Variants in FRYL observed in about 807,000 individuals in gnomAD.
The protein encoded by FRYL is protein furry homolog-like.
FRYL carries 150 observed loss-of-function variants against 351.2 expected under a neutral mutation model. The ratio of observed to expected loss-of-function variants is 0.43; its 90% CI spans 0.37 to 0.49. The LOEUF (loss-of-function observed/expected upper bound fraction) is 0.49. FRYL is among the 20% of genes least tolerant of loss of function. The probability of loss-of-function intolerance (pLI) is 0.00; values close to 1 mark genes in which losing one functional copy is unlikely to be tolerated. For missense variants in FRYL, 3,036 were observed against 3,619.3 expected, an observed-to-expected ratio of 0.84 and a Z score of 4.13; for synonymous variants, 1,153 against 1,257.1, an observed-to-expected ratio of 0.92 and a Z score of 1.75.
In FRYL at chr4:48,550,384, A is replaced by G. The variant is rs750152794; in HGVS notation, c.4633+208T>C. On this transcript the variant is annotated intron_variant, in intron 38 of 63. Coordinates refer to ENST00000358350, the MANE Select transcript of FRYL (RefSeq NM_015030.2). The stretch of plus-strand genomic sequence containing the variant: ...TTCTTATGTTCCTTGTGATTTATCT[A>G]TAGGAAACCAGTGCTTTAAAAAAAA... 254 of 539,606 alleles carry G rather than the reference A, an allele frequency of 4.7e-4. 2 individuals are homozygous for G. Among genetic ancestry groups the G allele is most frequent in the Middle Eastern group, 3.9e-3 (8 of 2,074 alleles). The allele number at this position is 539,606 out of a possible 1,614,324, so 33.4% of individuals were successfully genotyped here.
Position 48,498,086 on chromosome 4 carries a change from T to C in FRYL, c.*1336A>G, listed in dbSNP as rs1718797109. On this transcript the variant is annotated 3_prime_UTR_variant, in exon 64 of 64. Transcript: ENST00000358350. ...GGACTACATTCTTTTTTTTTTTTTT[T>C]CTTTCTTTTCTTACAAAATGCGATT... 1 of 151,100 alleles carries C rather than the reference T, an allele frequency of 6.6e-6. No homozygotes were observed. The highest frequency in any genetic ancestry group is 1.5e-5 in the Non-Finnish European group (1 of 67,674). The allele number at this position is 151,100 out of a possible 1,614,324, so 9.4% of individuals were successfully genotyped here. A position where few individuals can be genotyped will look rare whatever the true frequency, so the allele number is the denominator to read the frequency against.
At chr4:48,749,196 A>C (rs1377839129) in intron 1 of FRYL, among the ~76,000 whole-genome samples, 2 of 152,228 alleles carry the variant, frequency 1.3e-5, no homozygotes, top group East Asian at 1.9e-4. Flanking sequence ...TCCACCATAC[A>C]TTTGAAAGAA....
chr4:48,741,617 G>A (rs1185278553), intron 1 of FRYL, among the ~76,000 whole-genome samples: 1 of 152,076 alleles, frequency 6.6e-6, no homozygotes, highest in East Asian at 1.9e-4. Context: ...GATCACCTGA[G>A]CCTAGGAGGT....
At chr4:48,589,425 A>G (rs1742808605) in intron 18 of FRYL, among the ~76,000 whole-genome samples, 1 of 145,036 alleles carries the variant, frequency 6.9e-6, no homozygotes, top group Non-Finnish European at 1.5e-5. Flanking sequence ...GAAAGCATTT[A>G]TTTGACATAA....
At chr4:48,684,547 A>G (rs1422632731) in intron 3 of FRYL, 126 bp downstream of exon 3, 2 of 152,112 alleles carry the variant, frequency 1.3e-5, no homozygotes, top group African/African-American at 4.8e-5. Flanking sequence ...ACAACTTTTA[A>G]CTCCTGGTAT....
intron 1 of FRYL, among the ~76,000 whole-genome samples, chr4:48,732,055 C>T (rs1770784190): frequency 6.6e-6 from 1 of 152,094 alleles, no homozygotes; most frequent in African/African-American, 2.4e-5. Flanking sequence ...CCAGAATCTA[C>T]AAAGAACTTA....
chr4:48,545,436 A>C (rs1731133392), intron 42 of FRYL, among the ~76,000 whole-genome samples: 1 of 152,018 alleles, frequency 6.6e-6, no homozygotes, highest in Non-Finnish European at 1.5e-5. Context: ...TCCACCTCTA[A>C]TGCATCCTAC....
At chr4:48,605,099 G>A (rs1473022848) in intron 11 of FRYL, among the ~76,000 whole-genome samples, 3 of 152,138 alleles carry the variant, frequency 2.0e-5, no homozygotes, top group Non-Finnish European at 4.4e-5. Flanking sequence ...CAATTCATAT[G>A]GCTAAAAACT....
In FRYL at chr4:48,550,611, T is replaced by A. The variant is rs757811855; in HGVS notation, c.4614A>T (p.Gly1538=). The A allele has an allele frequency of 1.7e-5, 28 of 1,611,346 alleles. No individual in the cohort carries two copies. The highest frequency in any genetic ancestry group is 2.3e-5 in the Non-Finnish European group (27 of 1,177,600). ...LESRYSSSSG[G]SYEEEKSDSM... ...TATTACTTTTTTCTTCTTCATAAGATCCTCCAGAGCTGCTACTGTATCGGG... is the reference window on the plus strand; with the variant it reads ...TATTACTTTTTTCTTCTTCATAAGAACCTCCAGAGCTGCTACTGTATCGGG... Residue 1538 remains glycine (G), a synonymous_variant, in exon 38 of 64, where the codon GGA becomes GGT. Coordinates refer to ENST00000358350, the MANE Select transcript of FRYL (RefSeq NM_015030.2).
At chr4:48,677,100 A>G (rs1324620629) in intron 3 of FRYL, among the ~76,000 whole-genome samples, 2 of 152,246 alleles carry the variant, frequency 1.3e-5, no homozygotes, top group African/African-American at 2.4e-5. Flanking sequence ...TGGTGAAACC[A>G]AAGAGTTGTT....
intron 1 of FRYL, among the ~76,000 whole-genome samples, chr4:48,770,600 G>A (rs564256317): frequency 2.0e-5 from 3 of 152,038 alleles, no homozygotes; most frequent in East Asian, 3.9e-4. Context: ...ACCACGCCTG[G>A]CTAATTTTGT....
chr4:48,681,637 TAA>T (rs1430107339), intron 3 of FRYL, among the ~76,000 whole-genome samples: 2 of 152,296 alleles, frequency 1.3e-5, no homozygotes, highest in East Asian at 3.9e-4. Flanking sequence ...AGGAGTCATT[TAA>T]AACTTTATTC....
chr4:48,580,385 G>A (rs1360296993), intron 22 of FRYL: 1 of 153,142 alleles, frequency 6.5e-6, no homozygotes, highest in African/African-American at 2.4e-5. Flanking sequence ...ATTTTAATGA[G>A]TCAAATTACA....
chr4:48,607,088 CT>C (rs1365992443), intron 9 of FRYL, among the ~76,000 whole-genome samples: 3 of 152,162 alleles, frequency 2.0e-5, no homozygotes, highest in African/African-American at 7.2e-5. Flanking sequence ...CATCATTACA[CT>C]GCCAAAAGGC....
Position 48,510,162 on chromosome 4 carries a change from C to G in FRYL, c.8296-5G>C, listed in dbSNP as rs1176991133. 1.2e-6 allele frequency: 2 copies of G among 1,606,596 alleles called. No homozygotes were observed. On this transcript the variant is annotated splice_region_variant and splice_polypyrimidine_tract_variant and intron_variant, in intron 58 of 63. Transcript: ENST00000358350. ...CAGCAAACCACATGACATCAGCTGT[C>G]AAATCAGAAGTATTGATCCAGGTTA... is the stretch of plus-strand genomic sequence containing the variant.
intron 4 of FRYL, among the ~76,000 whole-genome samples, chr4:48,632,057 A>C (rs1222503984): frequency 3.8e-4 from 2 of 5,204 alleles, no homozygotes; most frequent in Non-Finnish European, 9.0e-4. Flanking sequence ...TGTCTCTCCA[A>C]AAAAAAAAAA....
At chr4:48,769,506 C>T (rs75392119) in intron 1 of FRYL, among the ~76,000 whole-genome samples, 3,967 of 152,242 alleles carry the variant, frequency 0.026, 64 homozygotes, top group Admixed American at 0.046. Context: ...AACATACAGC[C>T]ACTTTGGAAA....
chr4:48,549,550 G>A lies in FRYL; in HGVS notation c.4707C>T (p.Phe1569=). 1.2e-6 allele frequency: 2 copies of A among 1,613,248 alleles called. No individual in the cohort carries two copies. Among genetic ancestry groups the A allele is most frequent in the East Asian group, 2.2e-5 (1 of 44,852 alleles). Residue 1569 remains phenylalanine, a synonymous_variant, in exon 39 of 64, where the codon TTC becomes TTT. Transcript: ENST00000358350. The surrounding 1 kb of genome is among the most constrained non-coding windows in gnomAD (Gnocchi z 4.2). ...MEHNQGEPLP[F]PPAGGCWSPL... ...GTGACCAGCAGCCTCCAGCTGGTGG[G>A]AAGGGCAGTGGCTCTCCTTGGTTAT...
At chr4:48,574,501 T>C (rs1220049662) in intron 25 of FRYL, 1 of 152,206 alleles carries the variant, frequency 6.6e-6, no homozygotes, top group Non-Finnish European at 1.5e-5. Flanking sequence ...AAAAGATTTA[T>C]ACAATCTGAA....
Sources: allele counts gnomAD v4.1 joint callset (sites outside exome capture counted in the v4.1 genomes callset), GRCh38; gene constraint gnomAD v4.1.1; non-coding constraint Gnocchi (gnomAD v3.1); transcripts MANE v1.5; gene names NCBI Gene and HGNC (gene_info 2026-07-23, HGNC 2026-07-21).